The following HSD17B4 variants were observed in gnomAD, a reference collection of about 807,000 sequenced individuals.
HSD17B4 encodes hydroxysteroid 17-beta dehydrogenase 4, also known as peroxisomal multifunctional enzyme type 2.
Under a neutral mutation model 101.0 loss-of-function variants are expected in HSD17B4, and 70 were observed. The observed-to-expected ratio is 0.69, with a 90% CI of 0.57 to 0.85. The LOEUF (loss-of-function observed/expected upper bound fraction) is 0.85, where lower values mean the gene tolerates loss of function less well. HSD17B4 is among the 40% of genes least tolerant of loss of function. The pLI is 0.00. For synonymous variants in HSD17B4, 347 were observed against 297.1 expected, an observed-to-expected ratio of 1.17 and a Z score of -1.73; for missense variants, 984 against 892.4, an observed-to-expected ratio of 1.10 and a Z score of -1.31.
chr5:119,452,897 T>C, intron 1 of HSD17B4: 1 of 1,509,288 alleles, frequency 6.6e-7, no homozygotes, highest in South Asian at 1.2e-5. Context: ...CAGGCTGGGC[T>C]GCTGATTGCA....
intron 9 of HSD17B4, among the ~76,000 whole-genome samples, chr5:119,491,897 A>G (rs1750139460): frequency 6.6e-6 from 1 of 152,150 alleles, no homozygotes; most frequent in Non-Finnish European, 1.5e-5. Flanking sequence ...ACTTCATTGT[A>G]CTGTTTTACG....
chr5:119,512,504 C>T (rs1752265177), intron 16 of HSD17B4, among the ~76,000 whole-genome samples: 1 of 151,700 alleles, frequency 6.6e-6, no homozygotes, highest in African/African-American at 2.4e-5. Flanking sequence ...CCTCTGACTT[C>T]TCATCAGAAA....
intron 8 of HSD17B4, among the ~76,000 whole-genome samples, chr5:119,480,261 A>T (rs988189742): frequency 6.6e-5 from 10 of 151,356 alleles, no homozygotes; most frequent in African/African-American, 1.7e-4. Flanking sequence ...TGTTTTAGAA[A>T]TTTTTTTTTC....
At chr5:119,513,312 C>G (rs1211401519) in intron 16 of HSD17B4, among the ~76,000 whole-genome samples, 1 of 152,196 alleles carries the variant, frequency 6.6e-6, no homozygotes, top group East Asian at 1.9e-4. Context: ...AAATACAAGT[C>G]TGAGGCTATA....
At chr5:119,475,664 A>G in intron 4 of HSD17B4, 42 bp from the exon 5 acceptor site, 1 of 1,497,454 alleles carries the variant, frequency 6.7e-7, no homozygotes, top group Non-Finnish European at 9.3e-7. Flanking sequence ...GCAAACTAAT[A>G]TGCTTGCTTT....
At chr5:119,512,804 A>T (rs571138943) in intron 16 of HSD17B4, among the ~76,000 whole-genome samples, 1 of 152,176 alleles carries the variant, frequency 6.6e-6, no homozygotes, top group Non-Finnish European at 1.5e-5. Flanking sequence ...AGTAGGTTAG[A>T]TGTTGCCAAG....
At chr5:119,463,868 AC>A (rs1755533922) in intron 2 of HSD17B4, among the ~76,000 whole-genome samples, 1 of 151,250 alleles carries the variant, frequency 6.6e-6, no homozygotes, top group South Asian at 2.1e-4. Flanking sequence ...ATGGGGTTTC[AC>A]CATGTTGGCC....
chr5:119,508,255 C>A (rs1751845760), intron 15 of HSD17B4, among the ~76,000 whole-genome samples: 1 of 151,552 alleles, frequency 6.6e-6, no homozygotes, highest in Non-Finnish European at 1.5e-5. Context: ...CTGCCGAAAC[C>A]TTTCTTTAAT....
At chr5:119,506,779 G>C in intron 14 of HSD17B4, 39 bp from the exon 15 acceptor site, 1 of 1,167,664 alleles carries the variant, frequency 8.6e-7, no homozygotes, top group Non-Finnish European at 1.3e-6. Flanking sequence ...GTAATCTTTG[G>C]TTTTTAAGAC....
At chr5:119,470,874 A>G (rs903280293) in intron 2 of HSD17B4, among the ~76,000 whole-genome samples, 3 of 152,132 alleles carry the variant, frequency 2.0e-5, no homozygotes, top group Admixed American at 2.0e-4. Context: ...TGATAATGGG[A>G]TTGCTGAGTG....
intron 8 of HSD17B4, among the ~76,000 whole-genome samples, chr5:119,486,607 T>C (rs1426754865): frequency 6.6e-6 from 1 of 152,166 alleles, no homozygotes; most frequent in Non-Finnish European, 1.5e-5. Flanking sequence ...TTTAGGGCTC[T>C]AAGATTTATA....
intron 16 of HSD17B4, 104 bp downstream of exon 16, chr5:119,509,348 A>C: frequency 1.2e-6 from 1 of 810,056 alleles, no homozygotes; most frequent in African/African-American, 1.7e-5. Context: ...GCCCACTTAT[A>C]GGCAAATTTT....
Position 119,499,402 on chromosome 5 carries a change from C to G in HSD17B4, c.1058C>G (p.Ala353Gly). ...EAIMYALGVGASIKDPKDLKF... is the reference protein window; with the variant it reads ...EAIMYALGVGGSIKDPKDLKF... ...ATTATGTATGCCCTTGGAGTGGGAGCGTCAATCAAGGATCCAAAAGATTTG... is the reference window on the plus strand; with the variant it reads ...ATTATGTATGCCCTTGGAGTGGGAGGGTCAATCAAGGATCCAAAAGATTTG... Residue 353 changes from alanine (A) to glycine (G), a missense_variant, in exon 13 of 24, where the codon GCG becomes GGG. By Grantham distance (60) the Ala-to-Gly change is moderately conservative (BLOSUM62 0). Transcript: ENST00000510025. 1 of 1,613,308 alleles carries G rather than the reference C, an allele frequency of 6.2e-7. No individual in the cohort carries two copies. The highest frequency in any genetic ancestry group is 8.5e-7 in the Non-Finnish European group (1 of 1,179,424).
intron 7 of HSD17B4, 24 bp downstream of exon 7, chr5:119,477,525 G>A (rs1376010977): frequency 2.6e-6 from 4 of 1,525,812 alleles, no homozygotes; most frequent in Non-Finnish European, 3.6e-6. Flanking sequence ...TGGTTGTCAA[G>A]GGGGATTTAA....
intron 22 of HSD17B4, among the ~76,000 whole-genome samples, chr5:119,531,648 G>A (rs1340041593): frequency 2.0e-5 from 3 of 151,336 alleles, no homozygotes; most frequent in Non-Finnish European, 4.4e-5. Context: ...AAAATAACCT[G>A]TTTTAAGATT....
chr5:119,471,191 C>T (rs1328199832), intron 2 of HSD17B4, among the ~76,000 whole-genome samples: 1 of 152,116 alleles, frequency 6.6e-6, no homozygotes, highest in East Asian at 1.9e-4. Context: ...TGTTTCCTGT[C>T]ATTTGAATAA....
intron 9 of HSD17B4, among the ~76,000 whole-genome samples, chr5:119,491,011 T>G (rs1750055229): frequency 1.3e-5 from 2 of 152,196 alleles, no homozygotes; most frequent in Non-Finnish European, 2.9e-5. Context: ...TAAACTATAC[T>G]AAGAGCTGTG....
At chr5:119,541,324 T>C (rs887334941) in intron 23 of HSD17B4, among the ~76,000 whole-genome samples, 1 of 152,196 alleles carries the variant, frequency 6.6e-6, no homozygotes, top group Admixed American at 6.5e-5. Flanking sequence ...ACTGTTGTTA[T>C]GCCTTTTATA....
intron 2 of HSD17B4, among the ~76,000 whole-genome samples, chr5:119,460,451 T>G (rs1027274742): frequency 4.6e-5 from 7 of 152,238 alleles, no homozygotes; most frequent in Non-Finnish European, 1.0e-4. Flanking sequence ...CCTCCATGAC[T>G]ATCACCAATC....
Sources: allele counts gnomAD v4.1 joint callset (sites outside exome capture counted in the v4.1 genomes callset), GRCh38; gene constraint gnomAD v4.1.1; transcripts MANE v1.5; gene names NCBI Gene and HGNC (gene_info 2026-07-23, HGNC 2026-07-21).